DPP9: variants seen among roughly 807,000 people sequenced by gnomAD.
DPP9 encodes the protein dipeptidyl peptidase IV-related protein-2.
A neutral mutation model predicts 110.7 loss-of-function variants in DPP9; 50 were observed. That is an observed-to-expected ratio of 0.45 (90% CI 0.36 to 0.57). The LOEUF (loss-of-function observed/expected upper bound fraction) is 0.57, where lower values mean the gene tolerates loss of function less well. DPP9 is among the 20% of genes least tolerant of loss of function. DPP9 has a pLI of 0.00. For synonymous variants in DPP9, 561 were observed against 514.4 expected, an observed-to-expected ratio of 1.09 and a Z score of -1.23; for missense variants, 1,022 against 1,217.9, an observed-to-expected ratio of 0.84 and a Z score of 2.39.
intron 13 of DPP9, among the ~76,000 whole-genome samples, chr19:4,691,337 G>T (rs1055850293): frequency 1.3e-5 from 2 of 152,014 alleles, no homozygotes; most frequent in African/African-American, 4.8e-5. Context: ...TTAGCCAGGC[G>T]TGGTGGCGTG....
At position 4,689,616 on chromosome 19, in the gene DPP9, A is replaced by C; in HGVS notation, c.1703T>G (p.Val568Gly). The change falls in exon 15 of 22, where the codon GTA becomes GGA. Residue 568 changes from valine (V) to glycine (G), a missense_variant. Val to Gly is a moderately radical substitution (Grantham distance 109). This residue lies in a region of DPP9 where 810 missense variants were observed against 920.6 expected (regional missense o/e 0.88). Coordinates refer to ENST00000262960, the MANE Select transcript of DPP9 (RefSeq NM_139159.5). This position sits in a 1 kb window ranked among gnomAD's most constrained non-coding sequence, Gnocchi z 7.0. Reference protein sequence around the residue: ...VVSYEAAGEIVRLTTPGFSHS... With the variant: ...VVSYEAAGEIGRLTTPGFSHS... ...GGAGAAGCCGGGCGTGGTGAGGCGTACGATCTCGCCGGCCGCCTCATAGCT... is the reference window on the plus strand; with the variant it reads ...GGAGAAGCCGGGCGTGGTGAGGCGTCCGATCTCGCCGGCCGCCTCATAGCT... 6.4e-7 allele frequency: 1 copy of C among 1,574,144 alleles called. No homozygotes were observed. Among genetic ancestry groups the C allele is most frequent in the Non-Finnish European group, 8.6e-7 (1 of 1,160,580 alleles).
Position 4,710,024 on chromosome 19 carries a change from A to T in DPP9, c.314-4054T>A, listed in dbSNP as rs2092757670. 1.3e-5 allele frequency among the ~76,000 whole-genome samples: 2 copies of T among 152,342 alleles called. No individual in the cohort carries two copies. Among genetic ancestry groups the T allele is most frequent in the African/African-American group, 4.8e-5 (2 of 41,592 alleles). ...AGCTGCTGCTGGCACTATGATGGTG[A>T]CAACTGGCCTTTGAGGCAAGGGCTA... On this transcript the variant is annotated intron_variant, in intron 4 of 21. Transcript: ENST00000262960. The surrounding 1 kb of genome is among the most constrained non-coding windows in gnomAD (Gnocchi z 5.6).
chr19:4,697,282 T>C (rs1432684422), intron 11 of DPP9, among the ~76,000 whole-genome samples: 1 of 152,162 alleles, frequency 6.6e-6, no homozygotes, highest in Non-Finnish European at 1.5e-5. Flanking sequence ...ATCCCCTCTG[T>C]AGGTCTCCTC....
intron 3 of DPP9, chr19:4,716,187 G>A (rs2093066107): frequency 6.6e-6 from 1 of 152,288 alleles, no homozygotes; most frequent in Admixed American, 6.5e-5. Context: ...AGAGATGAGT[G>A]GGCCGCCTTG....
chr19:4,678,998 A>C (rs930946335), intron 21 of DPP9, among the ~76,000 whole-genome samples: 2 of 151,790 alleles, frequency 1.3e-5, no homozygotes, highest in African/African-American at 4.8e-5. Context: ...TCAGTTGAAA[A>C]TCCAGCCGAA....
Position 4,695,517 on chromosome 19 carries a change from A to G in DPP9, c.1214T>C (p.Leu405Pro). Residue 405 changes from leucine (L) to proline (P), a missense_variant, in exon 12 of 22, where the codon CTC becomes CCC. Physicochemically the swap from Leu to Pro is moderately conservative, Grantham distance 98. Around this residue, in one of 3 missense-constraint regions of DPP9, gnomAD observed 810 missense variants for 920.6 expected, o/e 0.88. Transcript: ENST00000262960. The surrounding 1 kb of genome is among the most constrained non-coding windows in gnomAD (Gnocchi z 4.7). ...GGCCGGGGGGAGGAGGACGAGCTGG[A>G]GCCACTGCTGGGGCCGGTCCAGGAA... The part of the protein sequence containing the change: ...AMFLDRPQQW[L>P]QLVLLPPALF... 1 of 1,536,344 alleles carries G rather than the reference A, an allele frequency of 6.5e-7. No homozygotes were observed. The highest frequency in any genetic ancestry group is 8.7e-7 in the Non-Finnish European group (1 of 1,144,226).
chr19:4,711,743 A>T (rs1297099628), intron 4 of DPP9, among the ~76,000 whole-genome samples: 1 of 136,352 alleles, frequency 7.3e-6, no homozygotes, highest in Non-Finnish European at 1.5e-5. Context: ...ATTGCACTCC[A>T]GCCTGGGTGA....
At chr19:4,691,216 G>C (rs2091286411) in intron 13 of DPP9, among the ~76,000 whole-genome samples, 2 of 152,172 alleles carry the variant, frequency 1.3e-5, no homozygotes, top group African/African-American at 4.8e-5. Flanking sequence ...GCTCACTCCT[G>C]AAATCCCAGC....
Position 4,704,372 on chromosome 19 carries a change from AG to A in DPP9, c.427-69del. On this transcript the variant is annotated intron_variant, in intron 5 of 21. Transcript: ENST00000262960. The surrounding 1 kb of genome is among the most constrained non-coding windows in gnomAD (Gnocchi z 6.0). Reference sequence around the variant, plus strand: ...GAGGATCTCCCGCTGGCCAGGGCAGAGATCCTCGGGCTGGGGCATTCCCAGG... The same window carrying A: ...GAGGATCTCCCGCTGGCCAGGGCAGAATCCTCGGGCTGGGGCATTCCCAGG... 6.5e-7 allele frequency: 1 copy of A among 1,545,824 alleles called. No homozygotes were observed.
chr19:4,690,817 G>A (rs2091252664), intron 14 of DPP9, 61 bp downstream of exon 14: 4 of 1,283,716 alleles, frequency 3.1e-6, no homozygotes, highest in Non-Finnish European at 4.5e-6. Context: ...GTGTGTGTGA[G>A]TGTATGTGTG....
At chr19:4,703,095 G>A (rs553109686) in intron 7 of DPP9, among the ~76,000 whole-genome samples, 52 of 151,678 alleles carry the variant, frequency 3.4e-4, no homozygotes, top group African/African-American at 1.2e-3. Context: ...AGTGGGGCCC[G>A]GGCTTATGGG....
In DPP9 at chr19:4,694,798, G is replaced by C. The variant is rs758543624; in HGVS notation, c.1379C>G (p.Pro460Arg). 6.2e-7 allele frequency: 1 copy of C among 1,613,778 alleles called. No homozygotes were observed. The highest frequency in any genetic ancestry group is 1.3e-5 in the African/African-American group (1 of 74,912). The change falls in exon 13 of 22, where the codon CCC becomes CGC. Residue 460 changes from proline (P) to arginine (R), a missense_variant. By Grantham distance (103) the Pro-to-Arg change is moderately radical. Around this residue, in one of 3 missense-constraint regions of DPP9, gnomAD observed 810 missense variants for 920.6 expected, o/e 0.88. Coordinates refer to ENST00000262960, the MANE Select transcript of DPP9 (RefSeq NM_139159.5). This position sits in a 1 kb window ranked among gnomAD's most constrained non-coding sequence, Gnocchi z 4.0. ...INVHDIFYPF[P>R]QSEGEDELCF... is the part of the protein sequence containing the mutation. ...GAGCTCGTCCTCTCCCTCTGATTGG[G>C]GGAAGGGATAGAAGATGTCATGAAC... is the stretch of plus-strand genomic sequence containing the variant.
Position 4,700,393 on chromosome 19 carries a change from G to C in DPP9, c.1013-116C>G, listed in dbSNP as rs896477183. ...CCACAGAGAGGTGTACAATTGGAGT[G>C]GGGGAGGCAGGAGAAGCCAGGTGTC... is the stretch of plus-strand genomic sequence containing the variant. On this transcript the variant is annotated intron_variant, in intron 9 of 21. Coordinates refer to ENST00000262960, the MANE Select transcript of DPP9 (RefSeq NM_139159.5). The surrounding 1 kb of genome is among the most constrained non-coding windows in gnomAD (Gnocchi z 4.3). 4.2e-6 allele frequency: 3 copies of C among 722,576 alleles called. No individual in the cohort carries two copies. Among genetic ancestry groups the C allele is most frequent in the Non-Finnish European group, 6.4e-6 (3 of 470,046 alleles). The allele number at this position is 722,576 out of a possible 1,614,324, so 44.8% of individuals were successfully genotyped here.
intron 21 of DPP9, among the ~76,000 whole-genome samples, chr19:4,678,774 G>A (rs780078843): frequency 6.6e-5 from 10 of 151,986 alleles, no homozygotes; most frequent in Non-Finnish European, 1.5e-4. Context: ...ATGCCGAGGC[G>A]CCCAGGAAGC....
intron 16 of DPP9, 86 bp downstream of exon 16, chr19:4,688,671 T>C: frequency 7.4e-7 from 1 of 1,348,628 alleles, no homozygotes; most frequent in African/African-American, 1.5e-5. Context: ...TCCAGGCCTC[T>C]GCCTCTTTCC....
chr19:4,698,276 C>T lies in DPP9; in HGVS notation c.1075-625G>A, dbSNP rs542834066. Among the ~76,000 whole-genome samples the T allele has an allele frequency of 1.3e-5, 2 of 152,200 alleles. No homozygotes were observed. The highest frequency in any genetic ancestry group is 1.3e-4 in the Admixed American group (2 of 15,286). On this transcript the variant is annotated intron_variant, in intron 10 of 21. Coordinates refer to ENST00000262960, the MANE Select transcript of DPP9 (RefSeq NM_139159.5). The surrounding 1 kb of genome is among the most constrained non-coding windows in gnomAD (Gnocchi z 4.2). Reference sequence around the variant, plus strand: ...AGAGATAGGGGACCTGAGCCTTCCTCGTGTCTAAATGGGGCTGGCACAGCA... The same window carrying T: ...AGAGATAGGGGACCTGAGCCTTCCTTGTGTCTAAATGGGGCTGGCACAGCA...
chr19:4,696,002 G>A (rs1452269335), intron 11 of DPP9, among the ~76,000 whole-genome samples: 1 of 152,150 alleles, frequency 6.6e-6, no homozygotes, highest in African/African-American at 2.4e-5. Flanking sequence ...CCAGGTTCAA[G>A]CGATTCTCCT....
Position 4,683,608 on chromosome 19 carries a change from G to A in DPP9, c.2200C>T (p.Gln734Ter). 6.2e-7 allele frequency: 1 copy of A among 1,612,730 alleles called. No individual in the cohort carries two copies. Residue 734 changes from glutamine (Q) to a stop codon, truncating the protein, a stop_gained, in exon 19 of 22, where the codon CAG becomes TAG. Transcript: ENST00000262960. LOFTEE classifies it high-confidence loss of function. ...GCCACGAACTGCAGGCCCTCCACCT[G>A]GTCCTCGATCTCCACCTGGCCCTGA... ...NQMGQVEIEDQVEGLQFVAEK... is the reference protein window; with the variant it reads ...NQMGQVEIED
chr19:4,706,952 G>A (rs931828362), intron 4 of DPP9, among the ~76,000 whole-genome samples: 112 of 152,254 alleles, frequency 7.4e-4, no homozygotes, highest in African/African-American at 2.5e-3. Context: ...CCTGTCCTCC[G>A]CCCACTCCAT....
Sources: gnomAD v4.1 joint callset for allele counts (sites outside exome capture counted in the v4.1 genomes callset) on GRCh38, gnomAD v4.1.1 for gene constraint, gnomAD v4.1.1 regional missense constraint, Gnocchi (gnomAD v3.1) non-coding constraint, MANE v1.5 for transcripts, NCBI Gene and HGNC (gene_info 2026-07-23, HGNC 2026-07-21) for gene names.